Variants in MGA observed in about 807,000 individuals in gnomAD.
MGA encodes MAX dimerization protein MGA, also known as MAX gene-associated protein.
A neutral mutation model predicts 261.1 loss-of-function variants in MGA; 40 were observed. The observed-to-expected ratio is 0.15, with a 90% CI of 0.12 to 0.20. The LOEUF (loss-of-function observed/expected upper bound fraction) is 0.20. Among genes scored for constraint, MGA ranks in the 10% least tolerant of loss-of-function variants. The pLI, the probability that MGA is intolerant of heterozygous loss-of-function variation, is 1.00. For missense variants in MGA, 3,397 were observed against 3,630.5 expected (o/e 0.94, Z 1.65); for synonymous variants, 1,302 against 1,290.6 (o/e 1.01, Z -0.19).
chr15:41,640,166 C>T (rs79047235), intron 1 of MGA, among the ~76,000 whole-genome samples: 4,984 of 151,968 alleles, frequency 0.033, 136 homozygotes, highest in South Asian at 0.07. Context: ...TTATGGACTA[C>T]GAAGGCAGAG....
chr15:41,655,657 G>A (rs905713263), upstream of MGA, among the ~76,000 whole-genome samples: 2 of 152,162 alleles, frequency 1.3e-5, no homozygotes, highest in African/African-American at 4.8e-5. Flanking sequence ...AGGGCAGACT[G>A]TATCCAGTCA....
At chr15:41,764,583 G>C (rs1490494296) in intron 22 of MGA, among the ~76,000 whole-genome samples, 1 of 151,554 alleles carries the variant, frequency 6.6e-6, no homozygotes, top group African/African-American at 2.4e-5. Flanking sequence ...TCACTCTGTA[G>C]CTCAGGCTGG....
Position 41,670,715 on chromosome 15 carries a change from C to T in MGA, c.1064+757C>T, listed in dbSNP as rs143661357. Among the ~76,000 whole-genome samples the T allele has an allele frequency of 9.3e-4, 142 of 152,152 alleles. 3 individuals carry two copies. The East Asian group carries it at 0.026, about 28-fold the overall frequency. On this transcript the variant is annotated intron_variant, in intron 2 of 23. Transcript: ENST00000219905. ...TAGAGACAGGGTTTCACTGTGTTAG[C>T]CAGGATGGTCTCGATCTCCTGACCT...
chr15:41,689,746 A>G (rs2059167858), intron 2 of MGA, among the ~76,000 whole-genome samples: 1 of 151,814 alleles, frequency 6.6e-6, no homozygotes, highest in African/African-American at 2.4e-5. Context: ...TTGTATTTTT[A>G]GTAGAGACAG....
intron 9 of MGA, among the ~76,000 whole-genome samples, chr15:41,716,047 T>G (rs1321902040): frequency 1.3e-5 from 2 of 152,138 alleles, no homozygotes; most frequent in Admixed American, 6.6e-5. Context: ...AGCCAATTAT[T>G]AAAGTATTTT....
At chr15:41,757,562 T>C (rs1211634980) in intron 18 of MGA, among the ~76,000 whole-genome samples, 1 of 152,196 alleles carries the variant, frequency 6.6e-6, no homozygotes, top group Non-Finnish European at 1.5e-5. Context: ...GTTTATATGG[T>C]TTTGTATATT....
chr15:41,672,794 A>C (rs1438705951), intron 2 of MGA, among the ~76,000 whole-genome samples: 2 of 152,138 alleles, frequency 1.3e-5, no homozygotes, highest in East Asian at 1.9e-4. Flanking sequence ...AATATTTACT[A>C]TCTGTTCCTT....
chr15:41,720,340 TG>T (rs1347577452), intron 9 of MGA, among the ~76,000 whole-genome samples: 1 of 152,038 alleles, frequency 6.6e-6, no homozygotes, highest in Non-Finnish European at 1.5e-5. Flanking sequence ...GTTCGAGACC[TG>T]CCTGAGCAAC....
chr15:41,745,281 T>TTAAAAA lies in MGA; in HGVS notation c.5212+2109_5212+2110insTAAAAA, dbSNP rs1555432883. Among the ~76,000 whole-genome samples, 40 of 33,220 alleles carry TTAAAAA rather than the reference T, an allele frequency of 1.2e-3. 7 individuals carry two copies. Among genetic ancestry groups the TTAAAAA allele is most frequent in the East Asian group, 4.3e-3 (2 of 460 alleles). 21.8% of individuals were successfully genotyped at this position (33,220 alleles called of 152,430 possible). ...GCGAGAAACACCCAAGAATGATCAA[T>TTAAAAA]AAAAAAAAAAAAAAAAAAAAAAAAA... On this transcript the variant is annotated intron_variant, in intron 15 of 23. Transcript: ENST00000219905.
rs187886579 is a variant in MGA, at chr15:41,711,119, A to G, written c.2854A>G (p.Asn952Asp). The stretch of plus-strand genomic sequence containing the variant: ...AGGCATCATCTCAGAAAATCAGGCG[A>G]ATAACTTTGTTGTGCCAACTTTGGA... The change falls in exon 8 of 24, where the codon AAT becomes GAT. Residue 952 changes from asparagine (N) to aspartate (D), a missense_variant. Around this residue, in one of 9 missense-constraint regions of MGA, gnomAD observed 519 missense variants for 554.1 expected, o/e 0.94. Transcript: ENST00000219905. 1.5e-3 allele frequency: 2,477 copies of G among 1,614,050 alleles called. No individual in the cohort carries two copies. The highest frequency in any genetic ancestry group is 2.4e-3 in the Admixed American group (144 of 60,028).
At position 41,669,749 on chromosome 15, in the gene MGA, C is replaced by T. The variant is rs751087043; in HGVS notation, c.855C>T (p.Ser285=). 2 of 1,613,758 alleles carry T rather than the reference C, an allele frequency of 1.2e-6. No individual in the cohort carries two copies. Among genetic ancestry groups the T allele is most frequent in the South Asian group, 2.2e-5 (2 of 91,054 alleles). The stretch of plus-strand genomic sequence containing the variant: ...CTGACCAAGAAGGGAATAATATTTC[C>T]AGTTCTTCTGGTCATCGGGTCCGTC... Residue 285 remains serine (S), a synonymous_variant, in exon 2 of 24, where the codon TCC becomes TCT. Transcript: ENST00000219905.
chr15:41,626,061 T>C (rs918653369), intron 1 of MGA, among the ~76,000 whole-genome samples: 5 of 152,202 alleles, frequency 3.3e-5, no homozygotes, highest in Non-Finnish European at 1.5e-5. Flanking sequence ...TTAAACTTTA[T>C]TATAGGTAAG....
At position 41,764,168 on chromosome 15, in the gene MGA, TAA is replaced by T. The variant is rs559657452; in HGVS notation, c.7745-708_7745-707del. Among the ~76,000 whole-genome samples, 1,292 of 144,640 alleles carry T rather than the reference TAA, an allele frequency of 8.9e-3. 14 individuals are homozygous for T. The highest frequency in any genetic ancestry group is 0.012 in the Non-Finnish European group (799 of 65,730). The allele number at this position is 144,640 out of a possible 152,430, so 94.9% of individuals were successfully genotyped here. On this transcript the variant is annotated intron_variant, in intron 22 of 23. Coordinates refer to ENST00000219905, the MANE Select transcript of MGA (RefSeq NM_001164273.2). ...AGTGAGACTCCATCTCAAAAAAAAT[TAA>T]AAAAAAAAATGGTATATTCTTTTTT...
chr15:41,695,002 A>G (rs979501421), intron 2 of MGA, among the ~76,000 whole-genome samples: 5 of 152,034 alleles, frequency 3.3e-5, no homozygotes, highest in Non-Finnish European at 5.9e-5. Flanking sequence ...CCTTTGTTAC[A>G]TGTTATTTGT....
chr15:41,657,035 C>T (rs1164798640), upstream of MGA, among the ~76,000 whole-genome samples: 1 of 152,196 alleles, frequency 6.6e-6, no homozygotes, highest in African/African-American at 2.4e-5. Context: ...CTGCCTCTGC[C>T]TCCCAAAGTG....
At chr15:41,623,830 A>G (rs1461196763) in intron 1 of MGA, among the ~76,000 whole-genome samples, 4 of 148,420 alleles carry the variant, frequency 2.7e-5, no homozygotes, top group Admixed American at 6.7e-5. Flanking sequence ...GCTGGAGTGC[A>G]GTGGTGCTCA....
At chr15:41,624,726 T>G (rs1039074125) in intron 1 of MGA, among the ~76,000 whole-genome samples, 1 of 152,166 alleles carries the variant, frequency 6.6e-6, no homozygotes, top group African/African-American at 2.4e-5. Context: ...CATCTCGGCC[T>G]CCTAAAGTGC....
At chr15:41,760,999 G>A (rs924090704) in intron 20 of MGA, among the ~76,000 whole-genome samples, 5 of 152,156 alleles carry the variant, frequency 3.3e-5, no homozygotes, top group East Asian at 1.9e-4. Flanking sequence ...TTGAACTCCC[G>A]ACCTCCAGTG....
In MGA at chr15:41,736,711, T is replaced by C. The variant is rs770913224; in HGVS notation, c.4434+13T>C. ...TGGGCTTATCCAGGTGAGAATTATC[T>C]TTAATCTGGGTATAGCACCTTTGTA... On this transcript the variant is annotated intron_variant, in intron 13 of 23. Coordinates refer to ENST00000219905, the MANE Select transcript of MGA (RefSeq NM_001164273.2). The C allele has an allele frequency of 6.3e-7, 1 of 1,582,542 alleles. No individual in the cohort carries two copies. The highest frequency in any genetic ancestry group is 8.6e-7 in the Non-Finnish European group (1 of 1,165,224).
Sources: gnomAD v4.1 joint callset for allele counts (sites outside exome capture counted in the v4.1 genomes callset) on GRCh38, gnomAD v4.1.1 for gene constraint, gnomAD v4.1.1 regional missense constraint, MANE v1.5 for transcripts, NCBI Gene and HGNC (gene_info 2026-07-23, HGNC 2026-07-21) for gene names.